Variants in DIAPH2 observed in about 807,000 individuals in gnomAD.
DIAPH2 encodes protein diaphanous homolog 2.
A neutral mutation model predicts 92.7 loss-of-function variants in DIAPH2; 35 were observed. The observed-to-expected ratio is 0.38, with a 90% CI of 0.29 to 0.50. The LOEUF is 0.50. DIAPH2 is among the 20% of genes least tolerant of loss of function. DIAPH2 has a pLI of 0.94. For missense variants in DIAPH2, 701 were observed against 819.5 expected, an observed-to-expected ratio of 0.86 and a Z score of 1.77; for synonymous variants, 301 against 280.4, an observed-to-expected ratio of 1.07 and a Z score of -0.73.
At position 97,565,199 on chromosome X, in the gene DIAPH2, C is replaced by G. The variant is rs187634897; in HGVS notation, c.3242-34054C>G. Among the ~76,000 whole-genome samples, 51 of 111,368 alleles carry G rather than the reference C, an allele frequency of 4.6e-4. 1 individual carries two copies. The Middle Eastern group carries it at 0.014, about 30-fold the overall frequency. On this transcript the variant is annotated intron_variant, in intron 26 of 26. Coordinates refer to ENST00000324765, the MANE Select transcript of DIAPH2 (RefSeq NM_006729.5). ...ACGGACTTTGAAACTCCACAGATGT[C>G]CACCACTTATTAACTACATGATCTT...
intron 17 of DIAPH2, among the ~76,000 whole-genome samples, chrX:97,004,749 G>C (rs1339766970): frequency 8.9e-6 from 1 of 111,751 alleles, no homozygotes; most frequent in African/African-American, 3.3e-5. Flanking sequence ...CTGCAAATGA[G>C]GCTAATTTGA....
At chrX:97,079,552 C>G (rs2066727096) in intron 19 of DIAPH2, among the ~76,000 whole-genome samples, 1 of 111,318 alleles carries the variant, frequency 9.0e-6, no homozygotes, top group African/African-American at 3.3e-5. Context: ...TTACAAAAAA[C>G]ATTACATTGG....
chrX:96,729,535 G>A (rs1281418736), intron 1 of DIAPH2, among the ~76,000 whole-genome samples: 1 of 111,651 alleles, frequency 9.0e-6, no homozygotes, highest in Non-Finnish European at 1.9e-5. Flanking sequence ...TGAGCTTTAT[G>A]GCAAGACAAT....
At chrX:97,563,705 T>A (rs763499217) in intron 26 of DIAPH2, among the ~76,000 whole-genome samples, 5 of 111,233 alleles carry the variant, frequency 4.5e-5, no homozygotes. Context: ...TTCGTGTGGA[T>A]ACGGTAAAGC....
At chrX:97,194,585 C>G (rs2067686057) in intron 22 of DIAPH2, among the ~76,000 whole-genome samples, 1 of 111,287 alleles carries the variant, frequency 9.0e-6, no homozygotes, top group African/African-American at 3.3e-5. Context: ...CACCCGGCCC[C>G]TAGAAATATT....
chrX:97,352,310 T>G (rs1004025309), intron 24 of DIAPH2, among the ~76,000 whole-genome samples: 1 of 110,758 alleles, frequency 9.0e-6, no homozygotes, highest in African/African-American at 3.3e-5. Flanking sequence ...ATGGGGCAAA[T>G]ACAAATAAAA....
At chrX:97,233,659 T>A (rs755887686) in intron 22 of DIAPH2, among the ~76,000 whole-genome samples, 7 of 112,224 alleles carry the variant, frequency 6.2e-5, no homozygotes, top group Non-Finnish European at 1.3e-4. Flanking sequence ...TCAGAAGTGA[T>A]AATTTGGCCA....
chrX:97,538,019 G>A (rs1241196660), intron 26 of DIAPH2, among the ~76,000 whole-genome samples: 1 of 108,726 alleles, frequency 9.2e-6, no homozygotes, highest in Non-Finnish European at 1.9e-5. Context: ...CCAGTAGCTG[G>A]GACTACAGGC....
chrX:96,913,038 G>GAT (rs2065479016), intron 7 of DIAPH2, among the ~76,000 whole-genome samples: 1 of 109,855 alleles, frequency 9.1e-6, no homozygotes, highest in Admixed American at 9.8e-5. Context: ...TTTCAGGGAT[G>GAT]ATATAACTTC....
chrX:96,982,208 G>T (rs970677189), intron 17 of DIAPH2, among the ~76,000 whole-genome samples: 1 of 111,847 alleles, frequency 8.9e-6, no homozygotes, highest in Admixed American at 9.4e-5. Context: ...ATTTCCCCCT[G>T]CTTCCTGGCA....
At chrX:97,005,094 C>T (rs761834280) in intron 17 of DIAPH2, among the ~76,000 whole-genome samples, 5 of 111,831 alleles carry the variant, frequency 4.5e-5, no homozygotes, top group Non-Finnish European at 5.6e-5. Context: ...TGATATGTTA[C>T]ATCACATTGA....
chrX:96,705,966 C>T (rs1391994007), intron 1 of DIAPH2, among the ~76,000 whole-genome samples: 1 of 112,463 alleles, frequency 8.9e-6, no homozygotes, highest in Non-Finnish European at 1.9e-5. Context: ...AATGGCAGCC[C>T]TGCAAGTCAT....
chrX:97,205,058 A>C (rs1425738221), intron 22 of DIAPH2, among the ~76,000 whole-genome samples: 1 of 111,773 alleles, frequency 8.9e-6, no homozygotes, highest in Non-Finnish European at 1.9e-5. Flanking sequence ...AAACTGACAA[A>C]AAAAAAGCAA....
chrX:97,255,773 A>C (rs1415026029), intron 23 of DIAPH2, among the ~76,000 whole-genome samples: 1 of 112,128 alleles, frequency 8.9e-6, no homozygotes, highest in Non-Finnish European at 1.9e-5. Context: ...AGATTTTAAG[A>C]TAGAAATCAC....
intron 4 of DIAPH2, among the ~76,000 whole-genome samples, chrX:96,814,273 T>C (rs1321496092): frequency 1.8e-5 from 2 of 111,931 alleles, no homozygotes; most frequent in African/African-American, 6.5e-5. Context: ...TTTCATTGAT[T>C]TGATCTTCAA....
intron 26 of DIAPH2, among the ~76,000 whole-genome samples, chrX:97,577,454 T>A (rs1385058836): frequency 8.9e-6 from 1 of 112,131 alleles, no homozygotes; most frequent in Non-Finnish European, 1.9e-5. Flanking sequence ...AGTACGAAAT[T>A]GGCTATAATT....
intron 23 of DIAPH2, among the ~76,000 whole-genome samples, chrX:97,278,398 C>T (rs1485099522): frequency 9.0e-6 from 1 of 111,177 alleles, no homozygotes; most frequent in African/African-American, 3.3e-5. Flanking sequence ...TGGGTTTTGA[C>T]AAATGTATGT....
At chrX:97,448,069 A>G (rs908065265) in intron 26 of DIAPH2, among the ~76,000 whole-genome samples, 12 of 112,394 alleles carry the variant, frequency 1.1e-4, no homozygotes, top group African/African-American at 3.9e-4. Flanking sequence ...ATAATAAAAG[A>G]AGGCAGATTT....
chrX:97,251,455 C>T (rs867879490), intron 23 of DIAPH2, among the ~76,000 whole-genome samples: 1 of 105,208 alleles, frequency 9.5e-6, no homozygotes, highest in African/African-American at 3.5e-5. Context: ...TTTTTGGAGA[C>T]GGAGCCTCAC....
Sources: gnomAD v4.1 joint callset for allele counts (sites outside exome capture counted in the v4.1 genomes callset) on GRCh38, gnomAD v4.1.1 for gene constraint, MANE v1.5 for transcripts, NCBI Gene and HGNC (gene_info 2026-07-23, HGNC 2026-07-21) for gene names.